The following PTK2B variants were observed in gnomAD, a reference collection of about 807,000 sequenced individuals.
The protein encoded by PTK2B is protein-tyrosine kinase 2-beta.
PTK2B carries 71 observed loss-of-function variants against 142.9 expected under a neutral mutation model. That is an observed-to-expected ratio of 0.50 (90% confidence interval 0.41 to 0.61). The LOEUF is 0.61. Among genes scored for constraint, PTK2B ranks in the 20% least tolerant of loss-of-function variants. PTK2B has a pLI of 0.00. For missense variants in PTK2B, 1,105 were observed against 1,320.4 expected (o/e 0.84, Z 2.53); for synonymous variants, 519 against 503.4 (o/e 1.03, Z -0.42).
At chr8:27,382,279 A>C (rs758918033) in intron 1 of PTK2B, among the ~76,000 whole-genome samples, 4 of 152,044 alleles carry the variant, frequency 2.6e-5, no homozygotes, top group Non-Finnish European at 5.9e-5. Flanking sequence ...GTCCTTTCAG[A>C]TACTTTGCTC....
chr8:27,364,345 G>A (rs1054331555), intron 1 of PTK2B, among the ~76,000 whole-genome samples: 1 of 152,222 alleles, frequency 6.6e-6, no homozygotes, highest in African/African-American at 2.4e-5. Flanking sequence ...CAGGTCCTAT[G>A]CTAAATACAA....
chr8:27,347,518 G>A (rs1396232194), intron 1 of PTK2B, among the ~76,000 whole-genome samples: 1 of 128,010 alleles, frequency 7.8e-6, no homozygotes, highest in Non-Finnish European at 1.7e-5. Flanking sequence ...CAGCAGGGCT[G>A]GTTTCTTCTG....
rs1184980730 is a variant in PTK2B at position 27,430,372 on chromosome 8, T to G, written c.623T>G (p.Val208Gly). ...KSNFELLEKE[V>G]GLDLFFPKQM... ...TTTCTTCCTTCTTGCAGAAAGGAAGTGGGGCTGGACTTGTTTTTCCCAAAG... is the reference window on the plus strand; with the variant it reads ...TTTCTTCCTTCTTGCAGAAAGGAAGGGGGGCTGGACTTGTTTTTCCCAAAG... Residue 208 changes from valine (V) to glycine (G), a missense_variant, in exon 7 of 31, where the codon GTG becomes GGG. Coordinates refer to ENST00000346049, the MANE Select transcript of PTK2B (RefSeq NM_173176.3). 6.2e-7 allele frequency: 1 copy of G among 1,613,696 alleles called. No individual in the cohort carries two copies.
chr8:27,356,553 A>G (rs1367699369), intron 1 of PTK2B, among the ~76,000 whole-genome samples: 1 of 152,276 alleles, frequency 6.6e-6, no homozygotes, highest in Admixed American at 6.5e-5. Context: ...CAGTGAATTC[A>G]TGGAATGCAG....
intron 1 of PTK2B, among the ~76,000 whole-genome samples, chr8:27,393,240 G>T (rs1807830000): frequency 6.6e-6 from 1 of 152,210 alleles, no homozygotes; most frequent in Non-Finnish European, 1.5e-5. Flanking sequence ...GTTGTGCAAA[G>T]AACTTGTGTT....
intron 1 of PTK2B, among the ~76,000 whole-genome samples, chr8:27,342,626 G>A (rs551608370): frequency 3.7e-4 from 56 of 151,986 alleles, no homozygotes; most frequent in Non-Finnish European, 6.6e-4. Context: ...AGATTCCTTC[G>A]AACCCTCCCC....
intron 1 of PTK2B, among the ~76,000 whole-genome samples, chr8:27,340,175 C>T (rs17057036): frequency 0.013 from 2,046 of 152,296 alleles, 52 homozygotes; most frequent in African/African-American, 0.047. Context: ...ACAAGGGGTA[C>T]TATTCTCAAG....
Position 27,381,997 on chromosome 8 carries a change from T to G in PTK2B, c.-37-15551T>G, listed in dbSNP as rs1474272112. ...CGGAGTCTCACTCTGTTGCCCAGGC[T>G]GGAATGCAGTGGCATGATCTCGGCT... On this transcript the variant is annotated intron_variant, in intron 1 of 30. Coordinates refer to ENST00000346049, the MANE Select transcript of PTK2B (RefSeq NM_173176.3). Among the ~76,000 whole-genome samples the G allele has an allele frequency of 2.0e-5, 3 of 152,362 alleles. No individual in the cohort carries two copies. The East Asian group carries it at 5.8e-4, about 29-fold the overall frequency.
In PTK2B at chr8:27,438,092, C is replaced by G. The variant is rs1209870965; in HGVS notation, c.1643+212C>G. ...CTGTATGTACCTCATGGGGTTGTTA[C>G]GAGTAACTCTGAAGTCCGAGGTGTC... On this transcript the variant is annotated intron_variant, in intron 18 of 30. Coordinates refer to ENST00000346049, the MANE Select transcript of PTK2B (RefSeq NM_173176.3). The G allele has an allele frequency of 9.5e-6, 5 of 523,676 alleles. No homozygotes were observed. The South Asian group carries it at 1.2e-4, about 13-fold the overall frequency. The allele number at this position is 523,676 out of a possible 1,614,324, so 32.4% of individuals were successfully genotyped here.
Position 27,454,136 on chromosome 8 carries a change from C to T in PTK2B, c.2596-18C>T, listed in dbSNP as rs369795324. Reference sequence around the variant, plus strand: ...CTGGCTCTCCCCAACTCACTGGCCACCTGCGTCTTCCCCTCAGTCCATCCA... The same window carrying T: ...CTGGCTCTCCCCAACTCACTGGCCATCTGCGTCTTCCCCTCAGTCCATCCA... On this transcript the variant is annotated intron_variant, in intron 28 of 30. Coordinates refer to ENST00000346049, the MANE Select transcript of PTK2B (RefSeq NM_173176.3). 6.7e-5 allele frequency: 108 copies of T among 1,613,860 alleles called. 1 individual carries two copies. The highest frequency in any genetic ancestry group is 5.6e-4 in the South Asian group (51 of 91,048).
upstream of PTK2B, chr8:27,310,987 C>T (rs1284261491): frequency 6.2e-7 from 1 of 1,611,984 alleles, no homozygotes; most frequent in Non-Finnish European, 8.5e-7. Context: ...CCTCCTCGCG[C>T]AGCAGCTTCT....
intron 7 of PTK2B, among the ~76,000 whole-genome samples, 173 bp from the exon 8 acceptor site, chr8:27,430,703 G>T (rs994047185): frequency 6.6e-6 from 1 of 152,202 alleles, no homozygotes; most frequent in African/African-American, 2.4e-5. Flanking sequence ...GTTACGGGGA[G>T]TCTCCCTTGA....
chr8:27,350,128 A>G lies in PTK2B; in HGVS notation c.-38+24447A>G, dbSNP rs73679170. Among the ~76,000 whole-genome samples, 1,202 of 152,350 alleles carry G rather than the reference A, an allele frequency of 7.9e-3. 12 individuals carry two copies. Among genetic ancestry groups the G allele is most frequent in the African/African-American group, 0.028 (1,151 of 41,580 alleles). ...ATAAAGGTACGGGGAAGCAATCGCT[A>G]GTGTAGGTGTTTGAAGTTTATGTCA... On this transcript the variant is annotated intron_variant, in intron 1 of 30. Transcript: ENST00000346049.
chr8:27,404,412 T>A (rs923698730), intron 2 of PTK2B, among the ~76,000 whole-genome samples: 1 of 152,158 alleles, frequency 6.6e-6, no homozygotes, highest in African/African-American at 2.4e-5. Context: ...TCAAGATTCA[T>A]CCTTGTTTTG....
At chr8:27,342,930 C>A (rs1301806734) in intron 1 of PTK2B, among the ~76,000 whole-genome samples, 1 of 152,094 alleles carries the variant, frequency 6.6e-6, no homozygotes. Context: ...TTACATTGGC[C>A]CTTGCTGGAC....
chr8:27,337,950 C>T (rs1804176717), intron 1 of PTK2B, among the ~76,000 whole-genome samples: 1 of 152,158 alleles, frequency 6.6e-6, no homozygotes, highest in African/African-American at 2.4e-5. Context: ...AATGGTTTTT[C>T]ACAGCAGCTG....
chr8:27,442,290 T>A (rs1283329230), intron 21 of PTK2B, among the ~76,000 whole-genome samples: 1 of 152,206 alleles, frequency 6.6e-6, no homozygotes, highest in Non-Finnish European at 1.5e-5. Context: ...GCTACCCATA[T>A]GAACATGTGG....
chr8:27,370,249 G>A (rs545881264), intron 1 of PTK2B, among the ~76,000 whole-genome samples: 5 of 152,362 alleles, frequency 3.3e-5, no homozygotes, highest in Admixed American at 2.0e-4. Context: ...GGACAAAGCA[G>A]ATGTGCACTA....
rs140523808 is a variant in PTK2B, at chr8:27,354,198, C to T, written c.-38+28517C>T. On this transcript the variant is annotated intron_variant, in intron 1 of 30. Transcript: ENST00000346049. Reference sequence around the variant, plus strand: ...TAGCCCTATCACCCAGAGAAAAGCCCTTTTCCCCAAGCTAAAGTAAAAATG... The same window carrying T: ...TAGCCCTATCACCCAGAGAAAAGCCTTTTTCCCCAAGCTAAAGTAAAAATG... 2.5e-3 allele frequency among the ~76,000 whole-genome samples: 378 copies of T among 152,310 alleles called. 2 individuals carry two copies. Among genetic ancestry groups the T allele is most frequent in the African/African-American group, 8.8e-3 (365 of 41,570 alleles).
Sources: gnomAD v4.1 joint callset for allele counts (sites outside exome capture counted in the v4.1 genomes callset) on GRCh38, gnomAD v4.1.1 for gene constraint, MANE v1.5 for transcripts, NCBI Gene and HGNC (gene_info 2026-07-23, HGNC 2026-07-21) for gene names.